RGS8: variants seen among roughly 807,000 people sequenced by gnomAD.
The protein encoded by RGS8 is regulator of G-protein signaling 8.
Under a neutral mutation model 21.7 loss-of-function variants are expected in RGS8, and 8 were observed. The observed-to-expected ratio is 0.37, with a 90% CI of 0.22 to 0.66. RGS8 has a LOEUF of 0.66. RGS8 is among the 30% of genes least tolerant of loss of function. RGS8 has a pLI of 0.59. For synonymous variants in RGS8, 80 were observed against 83.6 expected, an observed-to-expected ratio of 0.96 and a Z score of 0.24; for missense variants, 157 against 217.9, an observed-to-expected ratio of 0.72 and a Z score of 1.76.
chr1:182,708,097 A>G, the RGS8 span, among the ~76,000 whole-genome samples: 14 of 152,336 alleles, frequency 9.2e-5, no homozygotes, highest in Admixed American at 8.5e-4. Context: ...AGGTTAAGTA[A>G]TAGGCCACAG....
chr1:182,670,259 G>C (rs1445072016), intron 2 of RGS8, among the ~76,000 whole-genome samples: 2 of 152,222 alleles, frequency 1.3e-5, no homozygotes, highest in African/African-American at 4.8e-5. Context: ...AGGCTTGTCA[G>C]GCACCATCAC....
At chr1:182,741,507 G>A in the RGS8 span, among the ~76,000 whole-genome samples, 1 of 80,642 alleles carries the variant, frequency 1.2e-5, no homozygotes, top group Non-Finnish European at 2.5e-5. Context: ...GGCTGACCCC[G>A]CCACCTCCCT....
At chr1:182,726,306 C>T in the RGS8 span, among the ~76,000 whole-genome samples, 2 of 152,108 alleles carry the variant, frequency 1.3e-5, no homozygotes, top group African/African-American at 4.8e-5. Flanking sequence ...CCCTGGTTAA[C>T]CCTCTTTCCT....
chr1:182,647,062 A>G, intron 6 of RGS8, 145 bp from the exon 8 acceptor site: 1 of 681,426 alleles, frequency 1.5e-6, no homozygotes, highest in Non-Finnish European at 2.5e-6. Flanking sequence ...CATGGAGGTC[A>G]TCCCTTTTGA....
the RGS8 span, among the ~76,000 whole-genome samples, chr1:182,745,377 G>C: frequency 6.6e-6 from 1 of 152,160 alleles, no homozygotes. Context: ...TTCTGAATTG[G>C]AAATGATTTA....
chr1:182,705,479 C>A, the RGS8 span, among the ~76,000 whole-genome samples: 1 of 152,202 alleles, frequency 6.6e-6, no homozygotes, highest in African/African-American at 2.4e-5. Context: ...GTGTTACCAG[C>A]TATCTGGGCA....
At chr1:182,677,376 G>A (rs188790983), upstream of RGS8, among the ~76,000 whole-genome samples, 30 of 152,224 alleles carry the variant, frequency 2.0e-4, no homozygotes, top group South Asian at 6.2e-4. Context: ...ATCATTATTC[G>A]TAGTCTTTTC....
chr1:182,693,000 T>C, the RGS8 span, among the ~76,000 whole-genome samples: 1 of 152,172 alleles, frequency 6.6e-6, no homozygotes, highest in Admixed American at 6.5e-5. Context: ...AAGACTTAAA[T>C]ATAAAACCTA....
chr1:182,652,528 C>T (rs188497256), intron 5 of RGS8, among the ~76,000 whole-genome samples: 1 of 152,360 alleles, frequency 6.6e-6, no homozygotes, highest in Non-Finnish European at 1.5e-5. Context: ...CAATATGTAG[C>T]ATTGAAAACT....
chr1:182,742,732 A>G, the RGS8 span, among the ~76,000 whole-genome samples: 1 of 124,086 alleles, frequency 8.1e-6, no homozygotes, highest in African/African-American at 2.8e-5. Context: ...GACCGTGGAA[A>G]GAGAGGGAGA....
chr1:182,735,315 T>C, the RGS8 span, among the ~76,000 whole-genome samples: 7 of 152,212 alleles, frequency 4.6e-5, no homozygotes, highest in African/African-American at 1.7e-4. Flanking sequence ...TAAGGAAAAG[T>C]CACTGCCATT....
At chr1:182,748,713 T>C in the RGS8 span, among the ~76,000 whole-genome samples, 1 of 152,226 alleles carries the variant, frequency 6.6e-6, no homozygotes, top group Non-Finnish European at 1.5e-5. Flanking sequence ...TAATTTACAT[T>C]CCTGCTAATA....
At chr1:182,646,587 T>C in exon 7 of RGS8, 1 of 687,914 alleles carries the variant, frequency 1.5e-6, no homozygotes. Context: ...GGTCATACTT[T>C]GGAATGGCCC....
chr1:182,720,961 A>G, the RGS8 span, among the ~76,000 whole-genome samples: 1 of 59,338 alleles, frequency 1.7e-5, no homozygotes, highest in Non-Finnish European at 3.5e-5. Flanking sequence ...ATACATACAT[A>G]TGTGTGTATA....
At chr1:182,644,998 A>G (rs1336376224), downstream of RGS8, 1 of 152,146 alleles carries the variant, frequency 6.6e-6, no homozygotes, top group Non-Finnish European at 1.5e-5. Context: ...CACAGATAAC[A>G]ATGTGCTGTA....
chr1:182,706,088 T>C, the RGS8 span, among the ~76,000 whole-genome samples: 1 of 152,086 alleles, frequency 6.6e-6, no homozygotes, highest in South Asian at 2.1e-4. Context: ...GCTCAAGTAA[T>C]CCTCCCACTT....
chr1:182,665,834 A>T, intron 5 of RGS8, 135 bp downstream of exon 6: 1 of 634,372 alleles, frequency 1.6e-6, no homozygotes, highest in South Asian at 2.5e-5. Flanking sequence ...TCTAGGCAGG[A>T]GGCTCTGTGA....
At chr1:182,666,317 G>A (rs551177214) in intron 4 of RGS8, among the ~76,000 whole-genome samples, 1 of 152,166 alleles carries the variant, frequency 6.6e-6, no homozygotes, top group Non-Finnish European at 1.5e-5. Flanking sequence ...AGGTATCGAG[G>A]TAACAATGGA....
At chr1:182,702,631 C>A in the RGS8 span, among the ~76,000 whole-genome samples, 8 of 152,234 alleles carry the variant, frequency 5.3e-5, no homozygotes, top group South Asian at 1.5e-3. Flanking sequence ...GGCTAAAGAT[C>A]CAATCGTAAG....
Sources: gnomAD v4.1 joint callset for allele counts (sites outside exome capture counted in the v4.1 genomes callset) on GRCh38, gnomAD v4.1.1 for gene constraint, MANE v1.5 for transcripts, NCBI Gene and HGNC (gene_info 2026-07-23, HGNC 2026-07-21) for gene names.